CLCN4: variants seen among roughly 807,000 people sequenced by gnomAD.
CLCN4 encodes Cl-/H+ antiporter 4, also known as H(+)/Cl(-) exchange transporter 4.
In CLCN4, 1 loss-of-function variant was observed where a neutral mutation model predicts 41.7. The ratio of observed to expected loss-of-function variants is 0.02; its 90% confidence interval spans 0.01 to 0.11. CLCN4 has a LOEUF of 0.11. CLCN4 is among the 10% of genes least tolerant of loss of function. The pLI, the probability that CLCN4 is intolerant of heterozygous loss-of-function variation, is 1.00. For missense variants in CLCN4, 287 were observed against 661.0 expected (o/e 0.43, Z 6.20); for synonymous variants, 277 against 285.8 (o/e 0.97, Z 0.31).
intron 11 of CLCN4, among the ~76,000 whole-genome samples, chrX:10,217,191 ACTG>A (rs1924747673): frequency 3.7e-5 from 4 of 108,482 alleles, no homozygotes; most frequent in South Asian, 4.1e-4. Context: ...GCCTCTACCC[ACTG>A]GGCTCAAGCA....
In CLCN4 at chrX:10,205,487, A is replaced by AG. The variant is rs1569229814; in HGVS notation, c.556-871_556-870insG. Among the ~76,000 whole-genome samples, 7 of 100,475 alleles carry AG rather than the reference A, an allele frequency of 7.0e-5. No homozygotes were observed. In the South Asian group the frequency reaches 1.6e-3, roughly 22 times the overall value. The allele number at this position is 100,475 out of a possible 115,157, so 87.3% of individuals were successfully genotyped here. A position where few individuals can be genotyped will look rare whatever the true frequency, so the allele number is the denominator to read the frequency against. On this transcript the variant is annotated intron_variant, in intron 6 of 12. Coordinates refer to ENST00000380833, the MANE Select transcript of CLCN4 (RefSeq NM_001830.4). ...GACTCCATCTCAAAAAAAAAAAAAA[A>AG]AAAGAAAAAGAAACAGAATGGTCAG...
intron 2 of CLCN4, among the ~76,000 whole-genome samples, chrX:10,169,786 C>CTTTTT (rs199886653): frequency 2.0e-5 from 1 of 51,015 alleles, no homozygotes; most frequent in African/African-American, 1.3e-4. Flanking sequence ...TTTTTCTTTT[C>CTTTTT]TTTTCTTTTT....
At chrX:10,224,339 AGTGT>A (rs752556974) in intron 12 of CLCN4, among the ~76,000 whole-genome samples, 1 of 72,603 alleles carries the variant, frequency 1.4e-5, no homozygotes, top group Non-Finnish European at 2.6e-5. Context: ...TGTGTATGTG[AGTGT>A]GTGTGTGTTA....
chrX:10,196,204 C>T (rs1465214841), intron 5 of CLCN4, among the ~76,000 whole-genome samples: 1 of 112,462 alleles, frequency 8.9e-6, no homozygotes, highest in Non-Finnish European at 1.9e-5. Flanking sequence ...TGCTTTCAGT[C>T]ATCTTCCATT....
chrX:10,160,141 G>A (rs145422674), intron 2 of CLCN4, among the ~76,000 whole-genome samples: 1 of 109,120 alleles, frequency 9.2e-6, no homozygotes, highest in African/African-American at 3.3e-5. Context: ...GCCAGACATT[G>A]CCAAATGTCC....
In CLCN4 at chrX:10,212,689, G is replaced by A. The variant is rs745432653; in HGVS notation, c.1576+36G>A. ...GGGTGGGGCAGGGAGGGGGACCGGG[G>A]AACTAATCTGGCTTAGAGGACTGCC... On this transcript the variant is annotated intron_variant, in intron 10 of 12. Coordinates refer to ENST00000380833, the MANE Select transcript of CLCN4 (RefSeq NM_001830.4). 8.8e-6 allele frequency: 10 copies of A among 1,138,418 alleles called. No individual in the cohort carries two copies. In the Admixed American group the frequency reaches 1.2e-4, roughly 13 times the overall value. The allele number at this position is 1,138,418 out of a possible 1,213,427, so 93.8% of individuals were successfully genotyped here. A position where few individuals can be genotyped will look rare whatever the true frequency, so the allele number is the denominator to read the frequency against.
At chrX:10,210,353 G>T (rs1924511341) in intron 9 of CLCN4, among the ~76,000 whole-genome samples, 2 of 111,144 alleles carry the variant, frequency 1.8e-5, no homozygotes, top group Non-Finnish European at 3.8e-5. Context: ...TGTACAGCTT[G>T]ATGGAGTTTC....
intron 9 of CLCN4, among the ~76,000 whole-genome samples, chrX:10,212,023 C>T (rs1015173208): frequency 8.9e-6 from 1 of 111,879 alleles, no homozygotes; most frequent in African/African-American, 3.3e-5. Context: ...GACTTAGCTT[C>T]TTTATTTTAC....
intron 9 of CLCN4, among the ~76,000 whole-genome samples, chrX:10,209,978 A>T (rs938243203): frequency 5.4e-5 from 6 of 111,305 alleles, no homozygotes; most frequent in Non-Finnish European, 9.4e-5. Context: ...CCAAACGGAA[A>T]TCCCATCTCC....
intron 11 of CLCN4, among the ~76,000 whole-genome samples, chrX:10,216,525 G>A (rs1421884782): frequency 9.0e-6 from 1 of 111,086 alleles, no homozygotes; most frequent in African/African-American, 3.3e-5. Context: ...AGGACTCAGC[G>A]GGGAGTTGCA....
intron 6 of CLCN4, among the ~76,000 whole-genome samples, chrX:10,199,443 G>A (rs893026307): frequency 1.8e-5 from 2 of 112,452 alleles, no homozygotes; most frequent in Admixed American, 9.4e-5. Flanking sequence ...AGTGGGTGTC[G>A]CAAGGGCTGC....
Position 10,206,560 on chromosome X carries a change from G to A in CLCN4, c.758G>A (p.Arg253Gln). The A allele has an allele frequency of 8.3e-7, 1 of 1,209,626 alleles. No individual in the cohort carries two copies. Among genetic ancestry groups the A allele is most frequent in the Non-Finnish European group, 1.1e-6 (1 of 893,986 alleles). ...SKYSKNEGKR[R>Q]EVLSAAAAAG... ...TACAGCAAGAATGAGGGCAAGAGGC[G>A]GGAGGTGAGCCAGCTCAGCTTCCAT... The change falls in exon 7 of 13, where the codon CGG becomes CAG. Residue 253 changes from arginine to glutamine, a missense_variant. Transcript: ENST00000380833.
intron 12 of CLCN4, among the ~76,000 whole-genome samples, chrX:10,233,278 TG>T (rs1328901311): frequency 9.1e-6 from 1 of 110,136 alleles, no homozygotes; most frequent in Admixed American, 9.7e-5. Context: ...GAAGAGAGAG[TG>T]GGGGGAAATG....
At chrX:10,174,126 C>T (rs1218487116) in intron 2 of CLCN4, among the ~76,000 whole-genome samples, 2 of 112,254 alleles carry the variant, frequency 1.8e-5, no homozygotes, top group Non-Finnish European at 3.8e-5. Context: ...CTGCCTCTGG[C>T]CTCATTCCCT....
Position 10,159,748 on chromosome X carries a change from C to A in CLCN4, c.-12+1197C>A, listed in dbSNP as rs1923045511. Among the ~76,000 whole-genome samples, 3 of 111,342 alleles carry A rather than the reference C, an allele frequency of 2.7e-5. No individual in the cohort carries two copies. The Admixed American group carries it at 2.9e-4, about 11-fold the overall frequency. On this transcript the variant is annotated intron_variant, in intron 2 of 12. Transcript: ENST00000380833. ...TAACTTGTTTATTGCAATTTTCTTCCTTTGGTTCAGTTTGGTTACACAAAT... is the reference window on the plus strand; with the variant it reads ...TAACTTGTTTATTGCAATTTTCTTCATTTGGTTCAGTTTGGTTACACAAAT...
chrX:10,174,531 A>G (rs917963705), intron 2 of CLCN4, among the ~76,000 whole-genome samples: 11 of 112,618 alleles, frequency 9.8e-5, no homozygotes, highest in Non-Finnish European at 1.9e-4. Context: ...TTTTATAAAC[A>G]GTCTTCAGGA....
At chrX:10,209,846 A>G (rs1298552109) in intron 9 of CLCN4, among the ~76,000 whole-genome samples, 1 of 103,078 alleles carries the variant, frequency 9.7e-6, no homozygotes, top group African/African-American at 3.6e-5. Context: ...TTTTTTTTTG[A>G]AATGAGGTAA....
At chrX:10,233,465 C>T (rs1925174033) in intron 12 of CLCN4, 29 bp from the exon 13 acceptor site, 1 of 1,112,875 alleles carries the variant, frequency 9.0e-7, no homozygotes. Context: ...CAAGGCTGAC[C>T]TCTTTTCTCT....
intron 4 of CLCN4, 148 bp downstream of exon 4, chrX:10,187,762 G>A: frequency 2.1e-6 from 1 of 468,175 alleles, no homozygotes. Flanking sequence ...AATATCTAAG[G>A]GCAAAATGCA....
Sources: allele counts gnomAD v4.1 joint callset (sites outside exome capture counted in the v4.1 genomes callset), GRCh38; gene constraint gnomAD v4.1.1; transcripts MANE v1.5; gene names NCBI Gene and HGNC (gene_info 2026-07-23, HGNC 2026-07-21).